CACNA1C: variants seen among roughly 807,000 people sequenced by gnomAD.
The protein encoded by CACNA1C is voltage-dependent L-type calcium channel subunit alpha-1C.
In CACNA1C, 30 loss-of-function variants were observed where a neutral mutation model predicts 229.0. That is an observed-to-expected ratio of 0.13 (90% CI 0.10 to 0.18). CACNA1C has a LOEUF of 0.18. Ranked by LOEUF, CACNA1C falls within the 10% of genes least tolerant of loss-of-function variation. The pLI, the probability that CACNA1C is intolerant of heterozygous loss-of-function variation, is 1.00. For missense variants in CACNA1C, 1,658 were observed against 2,845.0 expected (o/e 0.58, Z 9.49); for synonymous variants, 1,114 against 1,132.5 (o/e 0.98, Z 0.33).
intron 3 of CACNA1C, among the ~76,000 whole-genome samples, chr12:2,426,758 C>T (rs374594572): frequency 5.9e-5 from 9 of 152,170 alleles, no homozygotes; most frequent in African/African-American, 2.2e-4. Context: ...TAGAGATAGG[C>T]AGTTCATAGT....
chr12:2,666,646 G>C lies in CACNA1C; in HGVS notation c.4527-40G>C. The stretch of plus-strand genomic sequence containing the variant: ...TCCTGGGCTGCTGGCAGAGACCGTG[G>C]CTCTCTGATGCCCTGTCCCTCCTCT... On this transcript the variant is annotated intron_variant, in intron 36 of 46. Coordinates refer to ENST00000399655, the MANE Select transcript of CACNA1C (RefSeq NM_000719.7). This position sits in a 1 kb window ranked among gnomAD's most constrained non-coding sequence, Gnocchi z 5.3. The C allele has an allele frequency of 7.4e-7, 1 of 1,356,218 alleles. No homozygotes were observed. 84.0% of individuals were successfully genotyped at this position (1,356,218 alleles called of 1,614,324 possible).
At chr12:2,405,983 A>G (rs1301250123) in intron 3 of CACNA1C, among the ~76,000 whole-genome samples, 8 of 152,190 alleles carry the variant, frequency 5.3e-5, no homozygotes, top group Non-Finnish European at 1.0e-4. Flanking sequence ...TTCATCTGTG[A>G]AAATACCTTT....
At chr12:2,176,831 A>T (rs752898768) in intron 3 of CACNA1C, among the ~76,000 whole-genome samples, 1 of 152,110 alleles carries the variant, frequency 6.6e-6, no homozygotes, top group Non-Finnish European at 1.5e-5. Context: ...CTATCACTTG[A>T]CCCATCTTCT....
At chr12:2,556,033 C>T (rs921236784) in intron 10 of CACNA1C, among the ~76,000 whole-genome samples, 2 of 152,158 alleles carry the variant, frequency 1.3e-5, no homozygotes, top group African/African-American at 2.4e-5. Flanking sequence ...ATTGTCACCA[C>T]CTGCACTATC....
intron 1 of CACNA1C, among the ~76,000 whole-genome samples, chr12:2,012,014 T>C (rs2044531202): frequency 6.6e-6 from 1 of 152,364 alleles, no homozygotes; most frequent in South Asian, 2.1e-4. Context: ...TAATTACTTA[T>C]TGTTCTTACA....
In CACNA1C at chr12:2,034,082, A is replaced by T. The variant is rs950235451; in HGVS notation, c.139+62881A>T. On this transcript the variant is annotated intron_variant, in intron 1 of 46. Coordinates refer to the CACNA1C transcript ENST00000682462. This position sits in a 1 kb window ranked among gnomAD's most constrained non-coding sequence, Gnocchi z 4.1. ...AACGACCACATTTTTAACATCTGCT[A>T]CACCTTAGGCCGTTGGAACATACTA... Among the ~76,000 whole-genome samples the T allele has an allele frequency of 6.6e-6, 1 of 152,250 alleles. No individual in the cohort carries two copies. Among genetic ancestry groups the T allele is most frequent in the South Asian group, 2.1e-4 (1 of 4,832 alleles).
chr12:2,365,161 G>A (rs1012539276), intron 3 of CACNA1C, among the ~76,000 whole-genome samples: 4 of 152,220 alleles, frequency 2.6e-5, no homozygotes, highest in Non-Finnish European at 5.9e-5. Flanking sequence ...ATTATGGAGC[G>A]TGTGTAGGGG....
At chr12:2,593,070 C>A in intron 18 of CACNA1C, 143 bp from the exon 19 acceptor site, 3 of 875,782 alleles carry the variant, frequency 3.4e-6, no homozygotes, top group Non-Finnish European at 5.1e-6. Context: ...GCAGCACCCA[C>A]AGGGAGACAG....
At chr12:2,381,616 C>A (rs1224599784) in intron 3 of CACNA1C, among the ~76,000 whole-genome samples, 1 of 152,184 alleles carries the variant, frequency 6.6e-6, no homozygotes, top group South Asian at 2.1e-4. Context: ...CACCCCAGGA[C>A]ACTGTAGCAA....
At chr12:2,155,560 C>G (rs369650553) in intron 3 of CACNA1C, among the ~76,000 whole-genome samples, 3 of 152,190 alleles carry the variant, frequency 2.0e-5, no homozygotes, top group East Asian at 3.9e-4. Flanking sequence ...TGACCTCAAT[C>G]AGTTTTCCTT....
At chr12:2,092,876 C>T (rs530254714) in intron 1 of CACNA1C, among the ~76,000 whole-genome samples, 3 of 152,288 alleles carry the variant, frequency 2.0e-5, no homozygotes, top group Admixed American at 6.5e-5. Context: ...AATTAAATGT[C>T]GAATTTCAAA....
At position 2,692,222 on chromosome 12, in the gene CACNA1C, T is replaced by C. The variant is rs1349666402; in HGVS notation, c.*1023T>C. The C allele has an allele frequency of 1.3e-5, 2 of 152,210 alleles. No individual in the cohort carries two copies. Among genetic ancestry groups the C allele is most frequent in the African/African-American group, 4.8e-5 (2 of 41,432 alleles). 9.4% of individuals were successfully genotyped at this position (152,210 alleles called of 1,614,324 possible). A position where few individuals can be genotyped will look rare whatever the true frequency, so the allele number is the denominator to read the frequency against. The stretch of plus-strand genomic sequence containing the variant: ...AGGTAGTAACCTATTTTTGTTCTGG[T>C]TTGGTTCGGTTATCTAATGGAAAGG... On this transcript the variant is annotated 3_prime_UTR_variant, in exon 47 of 47. Coordinates refer to ENST00000399655, the MANE Select transcript of CACNA1C (RefSeq NM_000719.7).
intron 3 of CACNA1C, among the ~76,000 whole-genome samples, chr12:2,368,950 G>A (rs996442595): frequency 7.9e-5 from 12 of 152,208 alleles, no homozygotes; most frequent in East Asian, 7.7e-4. Context: ...AGGAATCCAC[G>A]GACAGAGCTG....
chr12:2,520,736 A>G (rs1598754599), intron 9 of CACNA1C, among the ~76,000 whole-genome samples: 1 of 126,206 alleles, frequency 7.9e-6, no homozygotes, highest in Non-Finnish European at 1.6e-5. Context: ...CATAGGAGGG[A>G]AGCCATGACA....
At position 2,108,555 on chromosome 12, in the gene CACNA1C, G is replaced by A. The variant is rs969109430; in HGVS notation, c.50-6669G>A. ...ATTCTCGCTCCAAGGGAGGTTGGGAGCCATTGTGTTTAGCCCTCTGGCCCC... is the reference window on the plus strand; with the variant it reads ...ATTCTCGCTCCAAGGGAGGTTGGGAACCATTGTGTTTAGCCCTCTGGCCCC... On this transcript the variant is annotated intron_variant, in intron 1 of 46. Transcript: ENST00000399655. This position sits in a 1 kb window ranked among gnomAD's most constrained non-coding sequence, Gnocchi z 5.3. Among the ~76,000 whole-genome samples, 2 of 152,216 alleles carry A rather than the reference G, an allele frequency of 1.3e-5. No homozygotes were observed. The highest frequency in any genetic ancestry group is 2.9e-5 in the Non-Finnish European group (2 of 68,028).
At chr12:1,997,977 T>C in intron 1 of CACNA1C, 1 of 1,608,296 alleles carries the variant, frequency 6.2e-7, no homozygotes, top group South Asian at 1.1e-5. Context: ...AGTTTTCTCC[T>C]AAACAATAAA....
intron 13 of CACNA1C, among the ~76,000 whole-genome samples, chr12:2,579,450 G>A (rs2059752223): frequency 6.6e-6 from 1 of 152,056 alleles, no homozygotes; most frequent in Admixed American, 6.5e-5. Flanking sequence ...GTCGCCTGAG[G>A]ATTACCCCAG....
At chr12:2,150,327 T>A (rs1005019353) in intron 3 of CACNA1C, among the ~76,000 whole-genome samples, 2 of 152,116 alleles carry the variant, frequency 1.3e-5, no homozygotes, top group African/African-American at 4.8e-5. Context: ...TCAAGTGACA[T>A]CACAGAACTC....
chr12:2,153,977 C>G lies in CACNA1C; in HGVS notation c.477+33547C>G, dbSNP rs184549129. On this transcript the variant is annotated intron_variant, in intron 3 of 46. Transcript: ENST00000399655. ...TATTTCCCTTTGTCTGCACTCTGTT[C>G]CCTTTCTCCCAAAATGCTGGGTAGA... Among the ~76,000 whole-genome samples the G allele has an allele frequency of 2.0e-4, 31 of 152,322 alleles. 1 individual carries two copies. The highest frequency in any genetic ancestry group is 6.8e-3 in the Middle Eastern group (2 of 294).
Sources: gnomAD v4.1 joint callset for allele counts (sites outside exome capture counted in the v4.1 genomes callset) on GRCh38, gnomAD v4.1.1 for gene constraint, Gnocchi (gnomAD v3.1) non-coding constraint, MANE v1.5 for transcripts, NCBI Gene and HGNC (gene_info 2026-07-23, HGNC 2026-07-21) for gene names.